NCKAP5: variants seen among roughly 807,000 people sequenced by gnomAD.
NCKAP5 encodes the protein nck-associated protein 5.
NCKAP5 carries 92 observed loss-of-function variants against 167.0 expected under a neutral mutation model. The ratio of observed to expected loss-of-function variants is 0.55; its 90% CI spans 0.47 to 0.66. The LOEUF (loss-of-function observed/expected upper bound fraction) is 0.66. Among genes scored for constraint, NCKAP5 ranks in the 30% least tolerant of loss-of-function variants. NCKAP5 has a pLI of 0.00. For synonymous variants in NCKAP5, 891 were observed against 877.4 expected (o/e 1.02, Z -0.27); for missense variants, 2,378 against 2,315.0 (o/e 1.03, Z -0.56).
chr2:132,877,539 T>C (rs910670087), intron 9 of NCKAP5, among the ~76,000 whole-genome samples: 1 of 152,168 alleles, frequency 6.6e-6, no homozygotes, highest in African/African-American at 2.4e-5. Flanking sequence ...TCGTGGGTCC[T>C]GAGAATCTGC....
intron 3 of NCKAP5, among the ~76,000 whole-genome samples, chr2:133,387,693 A>T (rs1452696110): frequency 3.3e-5 from 5 of 152,136 alleles, no homozygotes; most frequent in Non-Finnish European, 7.3e-5. Context: ...TCAGACGTAG[A>T]TTTGGTCTTT....
At chr2:133,487,359 AG>A (rs1681000714) in intron 3 of NCKAP5, among the ~76,000 whole-genome samples, 1 of 152,296 alleles carries the variant, frequency 6.6e-6, no homozygotes, top group South Asian at 2.1e-4. Context: ...TCTACCTCTG[AG>A]AAATGATAGG....
At chr2:133,623,649 T>C in the NCKAP5 span, among the ~76,000 whole-genome samples, 1 of 149,156 alleles carries the variant, frequency 6.7e-6, no homozygotes, top group Non-Finnish European at 1.5e-5. Context: ...AAAAAAAAGA[T>C]GTTGGCATGG....
intron 19 of NCKAP5, among the ~76,000 whole-genome samples, chr2:132,723,881 G>A (rs987939310): frequency 9.2e-5 from 14 of 152,268 alleles, no homozygotes; most frequent in Admixed American, 3.3e-4. Flanking sequence ...AACTTTGCAC[G>A]TCATGCCACT....
chr2:133,608,272 T>C, the NCKAP5 span, among the ~76,000 whole-genome samples: 2 of 152,226 alleles, frequency 1.3e-5, no homozygotes, highest in African/African-American at 4.8e-5. Context: ...TAGAGATATG[T>C]TTCACACTTT....
chr2:133,145,136 C>T, intron 5 of NCKAP5, among the ~76,000 whole-genome samples: 1 of 151,938 alleles, frequency 6.6e-6, no homozygotes. Context: ...TATTTAAATA[C>T]ATTTAATTTA....
At chr2:132,777,384 A>G (rs1682639866) in intron 15 of NCKAP5, among the ~76,000 whole-genome samples, 1 of 152,172 alleles carries the variant, frequency 6.6e-6, no homozygotes, top group South Asian at 2.1e-4. Context: ...TCATAATTAA[A>G]CCCAATTTTA....
chr2:133,207,816 GGAA>G (rs1381686232), intron 5 of NCKAP5, among the ~76,000 whole-genome samples: 1 of 152,108 alleles, frequency 6.6e-6, no homozygotes, highest in Non-Finnish European at 1.5e-5. Flanking sequence ...TAAATAATAA[GGAA>G]GAAGAGACAA....
At chr2:133,190,049 TTAAGCTGG>T (rs2085141690) in intron 5 of NCKAP5, among the ~76,000 whole-genome samples, 1 of 152,166 alleles carries the variant, frequency 6.6e-6, no homozygotes, top group Admixed American at 6.6e-5. Flanking sequence ...CAAAATCTCC[TTAAGCTGG>T]TAAGCAACTT....
intron 4 of NCKAP5, among the ~76,000 whole-genome samples, chr2:133,220,792 G>A (rs1184510711): frequency 4.6e-5 from 7 of 152,230 alleles, no homozygotes; most frequent in South Asian, 2.1e-4. Flanking sequence ...CATCTGTTGC[G>A]AGAGTGTCCC....
At chr2:133,063,256 A>C (rs1221595946) in intron 6 of NCKAP5, among the ~76,000 whole-genome samples, 1 of 152,214 alleles carries the variant, frequency 6.6e-6, no homozygotes, top group Non-Finnish European at 1.5e-5. Context: ...TGGAGACATG[A>C]TTCCAAACAC....
At chr2:132,810,944 T>A (rs1300061621) in intron 11 of NCKAP5, among the ~76,000 whole-genome samples, 1 of 152,194 alleles carries the variant, frequency 6.6e-6, no homozygotes. Context: ...GTTGTTCAGA[T>A]CTTTTTGTCC....
chr2:132,749,462 C>T (rs1679922959), intron 16 of NCKAP5, among the ~76,000 whole-genome samples: 1 of 152,206 alleles, frequency 6.6e-6, no homozygotes, highest in South Asian at 2.1e-4. Flanking sequence ...CCTTGGCCTC[C>T]CAAAGTGCTG....
chr2:132,869,880 A>G (rs1282092106), intron 9 of NCKAP5, among the ~76,000 whole-genome samples: 3 of 152,214 alleles, frequency 2.0e-5, no homozygotes, highest in African/African-American at 4.8e-5. Flanking sequence ...TTGAATATCT[A>G]TGTGGTGGAA....
In NCKAP5 at chr2:133,130,054, T is replaced by G. The variant is rs1327755307; in HGVS notation, c.265A>C (p.Lys89Gln). 1 of 1,612,112 alleles carries G rather than the reference T, an allele frequency of 6.2e-7. No individual in the cohort carries two copies. The highest frequency in any genetic ancestry group is 1.3e-5 in the African/African-American group (1 of 74,860). The change falls in exon 6 of 20, where the codon AAG becomes CAG. Residue 89 changes from lysine to glutamine, a missense_variant. Physicochemically the swap from Lys to Gln is moderately conservative, Grantham distance 53. Around this residue, in one of 3 missense-constraint regions of NCKAP5, gnomAD observed 1,049 missense variants for 1,023.4 expected, o/e 1.02. Transcript: ENST00000409261. ...EERHLRLQSE[K>Q]RLQEVTLESE... ...TCTAGGGTCACCTCCTGCAACCGCT[T>G]CTCGCTTTGAAGACGTAAGTGTCTC... is the stretch of plus-strand genomic sequence containing the variant.
At chr2:132,727,554 G>C (rs151269102) in intron 18 of NCKAP5, among the ~76,000 whole-genome samples, 1 of 152,250 alleles carries the variant, frequency 6.6e-6, no homozygotes, top group Admixed American at 6.5e-5. Context: ...TAGCCCTTCA[G>C]GTGGTTCTGA....
At chr2:133,392,528 A>C (rs868315631) in intron 3 of NCKAP5, among the ~76,000 whole-genome samples, 12 of 152,306 alleles carry the variant, frequency 7.9e-5, no homozygotes, top group African/African-American at 2.9e-4. Context: ...ATAGATGGTG[A>C]ACTCCTTAAA....
At chr2:133,585,227 T>C in the NCKAP5 span, among the ~76,000 whole-genome samples, 3 of 152,242 alleles carry the variant, frequency 2.0e-5, no homozygotes, top group Non-Finnish European at 4.4e-5. Context: ...AGTTTTAAAA[T>C]GGGAAGAAAT....
chr2:133,268,110 G>T (rs1197441366), intron 4 of NCKAP5, among the ~76,000 whole-genome samples: 1 of 152,196 alleles, frequency 6.6e-6, no homozygotes, highest in East Asian at 1.9e-4. Context: ...ATTCAGATAG[G>T]TATAAGAGCT....
Sources: allele counts gnomAD v4.1 joint callset (sites outside exome capture counted in the v4.1 genomes callset), GRCh38; gene constraint gnomAD v4.1.1; regional missense constraint gnomAD v4.1.1; transcripts MANE v1.5; gene names NCBI Gene and HGNC (gene_info 2026-07-23, HGNC 2026-07-21).